PLCE1: variants seen among roughly 807,000 people sequenced by gnomAD.
PLCE1 encodes 1-phosphatidylinositol 4,5-bisphosphate phosphodiesterase epsilon-1.
Under a neutral mutation model 242.8 loss-of-function variants are expected in PLCE1, and 119 were observed. The ratio of observed to expected loss-of-function variants is 0.49; its 90% CI spans 0.42 to 0.57. The LOEUF (loss-of-function observed/expected upper bound fraction) is 0.57. PLCE1 is among the 20% of genes least tolerant of loss of function. The pLI, the probability that PLCE1 is intolerant of heterozygous loss-of-function variation, is 0.00. For missense variants in PLCE1, 2,441 were observed against 2,788.8 expected (o/e 0.88, Z 2.81); for synonymous variants, 945 against 1,017.4 (o/e 0.93, Z 1.35).
At chr10:94,267,791 G>A (rs2051570076) in intron 16 of PLCE1, among the ~76,000 whole-genome samples, 1 of 152,080 alleles carries the variant, frequency 6.6e-6, no homozygotes, top group African/African-American at 2.4e-5. Context: ...AGATACTCTA[G>A]CTGCTGAAAG....
Position 94,020,355 on chromosome 10 carries a change from C to T in PLCE1, c.-364-10328C>T, listed in dbSNP as rs940101304. 5.9e-5 allele frequency among the ~76,000 whole-genome samples: 9 copies of T among 152,080 alleles called. No homozygotes were observed. The East Asian group carries it at 1.7e-3, about 29-fold the overall frequency. On this transcript the variant is annotated intron_variant, in intron 1 of 32. Transcript: ENST00000371380. ...CATTTTTAAAAATAGGGTAATTTGTCTTATGATTGAGCTATAGAGGTTCTT... is the reference window on the plus strand; with the variant it reads ...CATTTTTAAAAATAGGGTAATTTGTTTTATGATTGAGCTATAGAGGTTCTT...
intron 2 of PLCE1, among the ~76,000 whole-genome samples, chr10:94,116,498 C>A (rs1201170071): frequency 6.6e-6 from 1 of 152,146 alleles, no homozygotes; most frequent in Non-Finnish European, 1.5e-5. Context: ...AGTTCAAGAC[C>A]AGCTTGGCCA....
At chr10:94,279,747 G>T (rs754575712) in intron 19 of PLCE1, 35 bp from the exon 20 acceptor site, 57 of 1,608,978 alleles carry the variant, frequency 3.5e-5, no homozygotes, top group Non-Finnish European at 4.7e-5. Context: ...TCATTAACTT[G>T]GCATCTGCAG....
chr10:94,247,864 A>C (rs1311120862), intron 8 of PLCE1, among the ~76,000 whole-genome samples: 1 of 152,234 alleles, frequency 6.6e-6, no homozygotes, highest in Non-Finnish European at 1.5e-5. Context: ...CCCTTGGGGA[A>C]AAGAGGATAC....
chr10:94,324,444 C>G lies in PLCE1; in HGVS notation c.6597C>G (p.Asn2199Lys). The G allele has an allele frequency of 6.2e-7, 1 of 1,614,124 alleles. No individual in the cohort carries two copies. The highest frequency in any genetic ancestry group is 8.5e-7 in the Non-Finnish European group (1 of 1,179,974). ...AAGAGGTGGTGAAAGACACTACCAACAAGAAGACTACCACACCAAAGTCCT... is the reference window on the plus strand; with the variant it reads ...AAGAGGTGGTGAAAGACACTACCAAGAAGAAGACTACCACACCAAAGTCCT... ...LLEEVVKDTT[N>K]KKTTTPKSSQ... Residue 2199 changes from asparagine (N) to lysine (K), a missense_variant, in exon 31 of 33, where the codon AAC becomes AAG. Around this residue, in one of 5 missense-constraint regions of PLCE1, gnomAD observed 310 missense variants for 317.2 expected, o/e 0.98. Transcript: ENST00000371380.
Position 94,328,493 on chromosome 10 carries a change from C to T in PLCE1, c.*550C>T, listed in dbSNP as rs1173794814. On this transcript the variant is annotated 3_prime_UTR_variant, in exon 33 of 33. Transcript: ENST00000371380. ...AACTATTCTTAATTCAGGGGCCATA[C>T]AAAAACAGGTGGCAGGCTAGATTTG... 1 of 152,172 alleles carries T rather than the reference C, an allele frequency of 6.6e-6. No individual in the cohort carries two copies. The highest frequency in any genetic ancestry group is 1.9e-4 in the East Asian group (1 of 5,196). 9.4% of individuals were successfully genotyped at this position (152,172 alleles called of 1,614,324 possible). A position where few individuals can be genotyped will look rare whatever the true frequency, so the allele number is the denominator to read the frequency against.
At chr10:94,228,819 A>C (rs2050040135) in intron 5 of PLCE1, among the ~76,000 whole-genome samples, 1 of 152,214 alleles carries the variant, frequency 6.6e-6, no homozygotes, top group Non-Finnish European at 1.5e-5. Flanking sequence ...AGAAAAAAAA[A>C]CAAAGCCTTG....
intron 5 of PLCE1, among the ~76,000 whole-genome samples, chr10:94,228,598 CATA>C: frequency 6.6e-6 from 1 of 152,240 alleles, no homozygotes; most frequent in East Asian, 1.9e-4. Context: ...AATGTTAGTT[CATA>C]ACATTACTGA....
In PLCE1 at chr10:94,298,589, G is replaced by A. The variant is rs1472812094; in HGVS notation, c.5378G>A (p.Arg1793His). ...CTGAGAACTTACCCTGCTGCCACCC[G>A]CATCGACTCTTCCAACCCGAACCCC... ...QLLRTYPAAT[R>H]IDSSNPNPLM... Residue 1793 changes from arginine (R) to histidine (H), a missense_variant, in exon 24 of 33, where the codon CGC becomes CAC. Transcript: ENST00000371380. This position sits in a 1 kb window ranked among gnomAD's most constrained non-coding sequence, Gnocchi z 5.2. 12 of 1,613,994 alleles carry A rather than the reference G, an allele frequency of 7.4e-6. No homozygotes were observed. The highest frequency in any genetic ancestry group is 2.2e-5 in the East Asian group (1 of 44,882).
chr10:94,053,322 T>C (rs955163054), intron 2 of PLCE1, among the ~76,000 whole-genome samples: 1 of 152,250 alleles, frequency 6.6e-6, no homozygotes, highest in Non-Finnish European at 1.5e-5. Flanking sequence ...TCAATAGATT[T>C]TAGCTGCTGC....
chr10:94,101,263 TGAG>T (rs2045526183), intron 2 of PLCE1, among the ~76,000 whole-genome samples: 1 of 152,132 alleles, frequency 6.6e-6, no homozygotes, highest in South Asian at 2.1e-4. Context: ...ATGAATGAAA[TGAG>T]GACTTAATGA....
intron 2 of PLCE1, among the ~76,000 whole-genome samples, chr10:94,127,574 G>T (rs2046471345): frequency 6.6e-6 from 1 of 152,188 alleles, no homozygotes; most frequent in Non-Finnish European, 1.5e-5. Context: ...GGAAATCACA[G>T]TTCCAGCCCA....
chr10:94,110,066 T>TTTTC lies in PLCE1; in HGVS notation c.1207-22105_1207-22104insCTTT, dbSNP rs766181353. ...TCCTTTTTTTCTTTTTTCTTTTTTT[T>TTTTC]TTTTTTTTTTTTTTGAGATGGAGTC... On this transcript the variant is annotated intron_variant, in intron 2 of 32. Coordinates refer to ENST00000371380, the MANE Select transcript of PLCE1 (RefSeq NM_016341.4). Among the ~76,000 whole-genome samples the TTTTC allele has an allele frequency of 3.9e-3, 434 of 111,492 alleles. 15 individuals are homozygous for TTTTC. The highest frequency in any genetic ancestry group is 8.3e-3 in the Middle Eastern group (2 of 240). 73.1% of individuals were successfully genotyped at this position (111,492 alleles called of 152,430 possible). A position where few individuals can be genotyped will look rare whatever the true frequency, so the allele number is the denominator to read the frequency against.
At chr10:94,100,951 G>C (rs1448280404) in intron 2 of PLCE1, among the ~76,000 whole-genome samples, 2 of 152,168 alleles carry the variant, frequency 1.3e-5, no homozygotes, top group Non-Finnish European at 2.9e-5. Flanking sequence ...TGACTTAGCT[G>C]TAGTTACCAC....
chr10:94,145,857 T>C (rs1223632), intron 3 of PLCE1, among the ~76,000 whole-genome samples: 139,695 of 152,040 alleles, frequency 0.92, 64,635 homozygotes, highest in South Asian at 0.98. Flanking sequence ...GGGCTGTAAA[T>C]ACAGACAGGT....
chr10:94,095,644 G>GGA (rs954494423), intron 2 of PLCE1, among the ~76,000 whole-genome samples: 4 of 152,184 alleles, frequency 2.6e-5, no homozygotes, highest in Non-Finnish European at 4.4e-5. Context: ...GCATGGGAGA[G>GGA]GAGAGAGAGG....
intron 2 of PLCE1, among the ~76,000 whole-genome samples, chr10:94,112,553 C>T (rs2045986991): frequency 6.6e-6 from 1 of 152,164 alleles, no homozygotes; most frequent in South Asian, 2.1e-4. Context: ...TGATTGTTTC[C>T]ATTGGAACAA....
At chr10:94,145,106 C>T (rs746868889) in intron 3 of PLCE1, among the ~76,000 whole-genome samples, 2 of 152,222 alleles carry the variant, frequency 1.3e-5, no homozygotes, top group African/African-American at 2.4e-5. Flanking sequence ...GGCACCACCC[C>T]TTCCAGCCCT....
chr10:94,192,278 G>T (rs1564774461), intron 4 of PLCE1, among the ~76,000 whole-genome samples: 1 of 152,132 alleles, frequency 6.6e-6, no homozygotes, highest in South Asian at 2.1e-4. Flanking sequence ...GGGTACAAAT[G>T]ATCCTGTCAC....
Sources: gnomAD v4.1 joint callset for allele counts (sites outside exome capture counted in the v4.1 genomes callset) on GRCh38, gnomAD v4.1.1 for gene constraint, gnomAD v4.1.1 regional missense constraint, Gnocchi (gnomAD v3.1) non-coding constraint, MANE v1.5 for transcripts, NCBI Gene and HGNC (gene_info 2026-07-23, HGNC 2026-07-21) for gene names.